RBFOX1: variants seen among roughly 807,000 people sequenced by gnomAD.
RBFOX1 encodes the protein RNA binding protein fox-1 homolog 1.
RBFOX1 carries 8 observed loss-of-function variants against 57.7 expected under a neutral mutation model. The ratio of observed to expected loss-of-function variants is 0.14; its 90% CI spans 0.08 to 0.25. The LOEUF (loss-of-function observed/expected upper bound fraction) is 0.25. Ranked by LOEUF, RBFOX1 falls within the 10% of genes least tolerant of loss-of-function variation. The pLI is 1.00. For missense variants in RBFOX1, 611 were observed against 548.5 expected (o/e 1.11, Z -1.14); for synonymous variants, 326 against 222.4 (o/e 1.47, Z -4.15).
chr16:6,112,875 A>G (rs928292866), intron 1 of RBFOX1, among the ~76,000 whole-genome samples: 7 of 152,110 alleles, frequency 4.6e-5, no homozygotes, highest in East Asian at 1.9e-4. Context: ...GGGGAGTTGG[A>G]AAGTGTTGGA....
At chr16:7,329,513 G>C (rs1029813272) in intron 4 of RBFOX1, among the ~76,000 whole-genome samples, 3 of 152,224 alleles carry the variant, frequency 2.0e-5, no homozygotes, top group African/African-American at 7.2e-5. Context: ...TCCCATTTGG[G>C]AGAGCAGAAC....
intron 3 of RBFOX1, among the ~76,000 whole-genome samples, chr16:5,701,120 T>TC (rs397792743): frequency 6.6e-6 from 1 of 151,878 alleles, no homozygotes; most frequent in Non-Finnish European, 1.5e-5. Context: ...GCCTGTTTAT[T>TC]GTTAAAGATC....
intron 3 of RBFOX1, among the ~76,000 whole-genome samples, chr16:6,747,491 T>C (rs964025496): frequency 4.7e-4 from 71 of 152,190 alleles, no homozygotes; most frequent in African/African-American, 1.7e-3. Flanking sequence ...TATCTGTCTA[T>C]CTGTCTTACT....
rs1002815585 is a variant in RBFOX1 at position 5,684,711 on chromosome 16, C to A, written c.318+85750C>A. Among the ~76,000 whole-genome samples the A allele has an allele frequency of 2.6e-5, 4 of 152,174 alleles. No individual in the cohort carries two copies. In the East Asian group the frequency reaches 7.7e-4, roughly 29 times the overall value. On this transcript the variant is annotated intron_variant, in intron 3 of 19. Coordinates refer to the RBFOX1 transcript ENST00000641259. Reference sequence around the variant, plus strand: ...GCAGGGAGCCGTTGAAGCTATCAAACGATATTGCAAATACATCACCGCCTA... The same window carrying A: ...GCAGGGAGCCGTTGAAGCTATCAAAAGATATTGCAAATACATCACCGCCTA...
At chr16:6,675,803 C>T (rs1022087707) in intron 3 of RBFOX1, among the ~76,000 whole-genome samples, 19 of 151,930 alleles carry the variant, frequency 1.3e-4, no homozygotes, top group Admixed American at 9.2e-4. Flanking sequence ...ACCACTGCTA[C>T]GAATCAATTA....
chr16:6,462,950 G>A (rs929132871), intron 2 of RBFOX1, among the ~76,000 whole-genome samples: 2 of 151,724 alleles, frequency 1.3e-5, no homozygotes, highest in Admixed American at 6.6e-5. Flanking sequence ...TTAATTCTTC[G>A]TATCTTAAAG....
chr16:7,273,878 C>A (rs1259530289), intron 4 of RBFOX1, among the ~76,000 whole-genome samples: 1 of 152,148 alleles, frequency 6.6e-6, no homozygotes, highest in East Asian at 1.9e-4. Flanking sequence ...ATCTGCCATA[C>A]GTAAATGTAT....
chr16:6,115,953 A>C (rs1172851266), intron 1 of RBFOX1, among the ~76,000 whole-genome samples: 3 of 152,194 alleles, frequency 2.0e-5, no homozygotes, highest in African/African-American at 7.2e-5. Flanking sequence ...TCACTCTACT[A>C]TAAAGACACA....
intron 1 of RBFOX1, among the ~76,000 whole-genome samples, chr16:6,090,748 C>T (rs552670614): frequency 6.6e-6 from 1 of 152,288 alleles, no homozygotes; most frequent in South Asian, 2.1e-4. Context: ...GTAAACAAAT[C>T]CGCTGAATGA....
chr16:6,450,224 A>G (rs894579902), intron 2 of RBFOX1, among the ~76,000 whole-genome samples: 6 of 152,068 alleles, frequency 3.9e-5, no homozygotes, highest in African/African-American at 1.4e-4. Context: ...TGACTCCTAT[A>G]AGCATTTGCT....
At chr16:5,267,743 G>C (rs760995565) in intron 1 of RBFOX1, among the ~76,000 whole-genome samples, 4 of 152,190 alleles carry the variant, frequency 2.6e-5, no homozygotes, top group Admixed American at 1.3e-4. Flanking sequence ...CAACAAACTT[G>C]TGTGGAACCA....
intron 3 of RBFOX1, among the ~76,000 whole-genome samples, chr16:5,806,311 C>T (rs116593056): frequency 1.4e-3 from 213 of 152,266 alleles, no homozygotes; most frequent in African/African-American, 4.7e-3. Flanking sequence ...AAGGTGTTGG[C>T]ATTTGGCGTC....
At chr16:6,311,609 C>T (rs540059835) in intron 1 of RBFOX1, among the ~76,000 whole-genome samples, 22 of 152,282 alleles carry the variant, frequency 1.4e-4, no homozygotes, top group African/African-American at 3.8e-4. Context: ...AGTAACATTA[C>T]GTATTGCTTC....
At chr16:6,020,210 G>A (rs905672054) in intron 1 of RBFOX1, among the ~76,000 whole-genome samples, 3 of 151,886 alleles carry the variant, frequency 2.0e-5, no homozygotes, top group Non-Finnish European at 4.4e-5. Flanking sequence ...CCCCTTGTGC[G>A]TCGCTTCCAG....
At chr16:6,698,345 T>G (rs910782847) in intron 3 of RBFOX1, among the ~76,000 whole-genome samples, 1 of 152,182 alleles carries the variant, frequency 6.6e-6, no homozygotes, top group Non-Finnish European at 1.5e-5. Flanking sequence ...AAGTCTGCAT[T>G]GATCTTCAAG....
In RBFOX1 at chr16:7,378,743, C is replaced by G. The variant is rs755377487; in HGVS notation, c.28-139404C>G. ...CCCTGGTGAGCTTTCTGCTGCTTTT[C>G]TCAATGGCTGATCTAAGTACTGCAG... is the stretch of plus-strand genomic sequence containing the variant. On this transcript the variant is annotated intron_variant, in intron 4 of 15. Coordinates refer to ENST00000550418, the MANE Select transcript of RBFOX1 (RefSeq NM_018723.4). Among the ~76,000 whole-genome samples, 56 of 152,312 alleles carry G rather than the reference C, an allele frequency of 3.7e-4. No individual in the cohort carries two copies. The Middle Eastern group carries it at 0.01, about 28-fold the overall frequency.
rs2062708597 is a variant in RBFOX1, at chr16:5,260,581, A to AATTTTTTATTTTTTTATAT, written c.219+20477_219+20478insTTTTTTATTTTTTTATATA. On this transcript the variant is annotated intron_variant, in intron 1 of 2. Coordinates refer to the RBFOX1 transcript ENST00000585867. ...GAAACCAAAGGTGGTGAAAAATATT[A>AATTTTTTATTTTTTTATAT]AGATGTTTTATATATATGTAGAAGT... The AATTTTTTATTTTTTTATAT allele has an allele frequency of 2.6e-5, 4 of 152,352 alleles. No individual in the cohort carries two copies. The South Asian group carries it at 8.3e-4, about 32-fold the overall frequency. 9.4% of individuals were successfully genotyped at this position (152,352 alleles called of 1,614,324 possible).
In RBFOX1 at chr16:5,624,516, T is replaced by G. The variant is rs531846211; in HGVS notation, c.318+25555T>G. ...CCAGCCACCCAGAGACTTTTAAAGCTCGTACCCAGGTGGGGAAAAGCTCCT... is the reference window on the plus strand; with the variant it reads ...CCAGCCACCCAGAGACTTTTAAAGCGCGTACCCAGGTGGGGAAAAGCTCCT... On this transcript the variant is annotated intron_variant, in intron 3 of 19. Coordinates refer to the RBFOX1 transcript ENST00000641259. Among the ~76,000 whole-genome samples the G allele has an allele frequency of 5.3e-5, 8 of 152,220 alleles. No individual in the cohort carries two copies. In the South Asian group the frequency reaches 1.7e-3, roughly 32 times the overall value.
chr16:7,612,867 A>G (rs926574901), intron 10 of RBFOX1, among the ~76,000 whole-genome samples: 1 of 152,218 alleles, frequency 6.6e-6, no homozygotes, highest in Non-Finnish European at 1.5e-5. Flanking sequence ...CATTTCTGTG[A>G]TTAAATATTC....
Sources: allele counts gnomAD v4.1 joint callset (sites outside exome capture counted in the v4.1 genomes callset), GRCh38; gene constraint gnomAD v4.1.1; transcripts MANE v1.5; gene names NCBI Gene and HGNC (gene_info 2026-07-23, HGNC 2026-07-21).